Variants in STXBP4 observed in about 807,000 individuals in gnomAD.
The protein encoded by STXBP4 is syntaxin-binding protein 4.
Under a neutral mutation model 76.1 loss-of-function variants are expected in STXBP4, and 55 were observed. That is an observed-to-expected ratio of 0.72 (90% CI 0.58 to 0.91). The LOEUF (loss-of-function observed/expected upper bound fraction) is 0.91. Among genes scored for constraint, STXBP4 ranks in the 40% least tolerant of loss-of-function variants. STXBP4 has a pLI of 0.00. For synonymous variants in STXBP4, 201 were observed against 220.2 expected, an observed-to-expected ratio of 0.91 and a Z score of 0.77; for missense variants, 618 against 636.9, an observed-to-expected ratio of 0.97 and a Z score of 0.32.
chr17:55,072,862 A>C, intron 12 of STXBP4, 38 bp from the exon 13 acceptor site: 2 of 1,548,390 alleles, frequency 1.3e-6, no homozygotes, highest in Non-Finnish European at 1.7e-6. Flanking sequence ...ACTATTTCTT[A>C]TGTATTTTTT....
intron 17 of STXBP4, among the ~76,000 whole-genome samples, chr17:55,155,511 C>T (rs898206336): frequency 2.7e-5 from 2 of 72,832 alleles, no homozygotes; most frequent in African/African-American, 1.1e-4. Context: ...ACAATTATCA[C>T]CCCCCCCCCA....
intron 16 of STXBP4, among the ~76,000 whole-genome samples, chr17:55,095,703 T>C (rs1324547844): frequency 2.6e-5 from 4 of 152,226 alleles, no homozygotes. Flanking sequence ...AGTTCTGTTT[T>C]ATATTAATAT....
chr17:55,211,095 C>A, the STXBP4 span, among the ~76,000 whole-genome samples: 33 of 148,816 alleles, frequency 2.2e-4, no homozygotes, highest in Admixed American at 9.3e-4. Flanking sequence ...CGTGAAATGC[C>A]CCCCCCCATG....
At chr17:55,185,597 G>A in the STXBP4 span, among the ~76,000 whole-genome samples, 1 of 152,112 alleles carries the variant, frequency 6.6e-6, no homozygotes, top group African/African-American at 2.4e-5. Flanking sequence ...TATAACATGA[G>A]CAACTTCCAA....
intron 16 of STXBP4, among the ~76,000 whole-genome samples, chr17:55,108,690 G>T (rs1490161468): frequency 6.6e-6 from 1 of 152,112 alleles, no homozygotes; most frequent in Non-Finnish European, 1.5e-5. Flanking sequence ...CACTTCCTGG[G>T]TAAGGCGACC....
chr17:55,201,669 T>A, the STXBP4 span, among the ~76,000 whole-genome samples: 1 of 152,192 alleles, frequency 6.6e-6, no homozygotes, highest in Non-Finnish European at 1.5e-5. Flanking sequence ...ACTGCTAAGG[T>A]CGTAGCAAAG....
chr17:55,008,215 T>G (rs9896908), intron 8 of STXBP4, among the ~76,000 whole-genome samples: 222 of 152,274 alleles, frequency 1.5e-3, no homozygotes, highest in African/African-American at 5.2e-3. Context: ...AGCCCCTTTT[T>G]TTTTTTTGAT....
intron 6 of STXBP4, 21 bp from the exon 7 acceptor site, chr17:55,000,787 G>C (rs1338566016): frequency 6.6e-7 from 1 of 1,520,266 alleles, no homozygotes; most frequent in Non-Finnish European, 9.1e-7. Context: ...GACATTGCAT[G>C]TTCCTCATTT....
the STXBP4 span, among the ~76,000 whole-genome samples, chr17:55,199,166 C>T: frequency 1.3e-5 from 2 of 152,342 alleles, no homozygotes; most frequent in East Asian, 1.9e-4. Flanking sequence ...TGCTGGTTAG[C>T]AAAAATTACA....
rs527559247 is a variant in STXBP4, at chr17:54,993,808, A to G, written c.180+2851A>G. ...TTTAACTTTCTGTAATTTTGTTTTA[A>G]CATTATAATGTTTCATAATTAACAG... On this transcript the variant is annotated intron_variant, in intron 4 of 17. Coordinates refer to ENST00000376352, the MANE Select transcript of STXBP4 (RefSeq NM_178509.6). Among the ~76,000 whole-genome samples, 5 of 152,302 alleles carry G rather than the reference A, an allele frequency of 3.3e-5. No homozygotes were observed. In the East Asian group the frequency reaches 5.8e-4, roughly 18 times the overall value.
chr17:55,067,573 G>A (rs894627554), intron 12 of STXBP4, among the ~76,000 whole-genome samples: 1 of 152,150 alleles, frequency 6.6e-6, no homozygotes, highest in Admixed American at 6.5e-5. Flanking sequence ...ATTTGGAATA[G>A]GTAGTAGAGA....
chr17:55,039,601 G>T (rs2078663459), intron 10 of STXBP4, among the ~76,000 whole-genome samples: 1 of 152,012 alleles, frequency 6.6e-6, no homozygotes, highest in South Asian at 2.1e-4. Context: ...AAGAACTAAA[G>T]TATAGTGAAG....
chr17:55,038,790 A>T (rs2078647179), intron 10 of STXBP4, among the ~76,000 whole-genome samples: 1 of 151,902 alleles, frequency 6.6e-6, no homozygotes, highest in Non-Finnish European at 1.5e-5. Context: ...TCTTAAAATT[A>T]TAGAGAGAAC....
chr17:55,040,591 A>T (rs2078681098), intron 10 of STXBP4, among the ~76,000 whole-genome samples: 1 of 152,216 alleles, frequency 6.6e-6, no homozygotes, highest in Admixed American at 6.5e-5. Flanking sequence ...AATATGTTGG[A>T]GCAGCAACAG....
downstream of STXBP4, among the ~76,000 whole-genome samples, chr17:55,177,901 T>C (rs559840415): frequency 6.6e-5 from 10 of 152,362 alleles, no homozygotes; most frequent in South Asian, 1.9e-3. Context: ...TGGTGACCTT[T>C]GCAGCTGTTC....
chr17:55,095,607 G>C (rs7207057), intron 16 of STXBP4, among the ~76,000 whole-genome samples: 55,892 of 152,018 alleles, frequency 0.37, 11,137 homozygotes, highest in East Asian at 0.54. Flanking sequence ...CAACAACAGA[G>C]TATTAATATT....
chr17:55,011,627 C>G lies in STXBP4; in HGVS notation c.666+4030C>G, dbSNP rs184715629. 4.0e-5 allele frequency among the ~76,000 whole-genome samples: 6 copies of G among 149,322 alleles called. No homozygotes were observed. In the East Asian group the frequency reaches 1.2e-3, roughly 30 times the overall value. ...CATGAGTTTATATCCCGATCATTGT[C>G]CTTCCCGCTGTACTCTCAGGCAATA... On this transcript the variant is annotated intron_variant, in intron 8 of 17. Transcript: ENST00000376352.
At chr17:55,192,781 T>C in the STXBP4 span, among the ~76,000 whole-genome samples, 1 of 152,180 alleles carries the variant, frequency 6.6e-6, no homozygotes, top group Non-Finnish European at 1.5e-5. Context: ...ATTAACTAAC[T>C]TTCAGGGGAT....
chr17:55,104,426 ATT>A (rs994936712), intron 16 of STXBP4, among the ~76,000 whole-genome samples: 2 of 152,094 alleles, frequency 1.3e-5, no homozygotes, highest in African/African-American at 4.8e-5. Context: ...GATGGATTAC[ATT>A]TATTGATTTG....
Sources: allele counts gnomAD v4.1 joint callset (sites outside exome capture counted in the v4.1 genomes callset), GRCh38; gene constraint gnomAD v4.1.1; transcripts MANE v1.5; gene names NCBI Gene and HGNC (gene_info 2026-07-23, HGNC 2026-07-21).